GALNT13: variants seen among roughly 807,000 people sequenced by gnomAD.
The protein encoded by GALNT13 is UDP-GalNAc:polypeptide N-acetylgalactosaminyltransferase 13.
Under a neutral mutation model 64.2 loss-of-function variants are expected in GALNT13, and 28 were observed. That is an observed-to-expected ratio of 0.44 (90% CI 0.32 to 0.60). GALNT13 has a LOEUF of 0.60. Ranked by LOEUF, GALNT13 falls within the 20% of genes least tolerant of loss-of-function variation. GALNT13 has a pLI of 0.05. For missense variants in GALNT13, 577 were observed against 669.8 expected, an observed-to-expected ratio of 0.86 and a Z score of 1.53; for synonymous variants, 214 against 224.6, an observed-to-expected ratio of 0.95 and a Z score of 0.42.
At chr2:153,375,265 G>A in the GALNT13 span, among the ~76,000 whole-genome samples, 18 of 151,934 alleles carry the variant, frequency 1.2e-4, no homozygotes, top group Non-Finnish European at 2.6e-4. Flanking sequence ...GGCCATTTTT[G>A]TTTATTTATG....
intron 9 of GALNT13, among the ~76,000 whole-genome samples, chr2:154,324,069 T>A (rs1481431897): frequency 6.6e-6 from 1 of 152,058 alleles, no homozygotes; most frequent in East Asian, 1.9e-4. Flanking sequence ...AAGGTCAACA[T>A]TTAGAAATCT....
At chr2:154,058,333 G>A (rs1349477661) in intron 3 of GALNT13, among the ~76,000 whole-genome samples, 2 of 152,088 alleles carry the variant, frequency 1.3e-5, no homozygotes, top group Non-Finnish European at 2.9e-5. Context: ...CCAAGTCTGT[G>A]GTATTTTGTT....
At chr2:153,270,321 C>G in the GALNT13 span, among the ~76,000 whole-genome samples, 1 of 152,142 alleles carries the variant, frequency 6.6e-6, no homozygotes, top group African/African-American at 2.4e-5. Context: ...CAGTCTAATG[C>G]TAGACACTAG....
intron 8 of GALNT13, among the ~76,000 whole-genome samples, chr2:154,280,711 T>G (rs576223684): frequency 6.6e-6 from 1 of 152,292 alleles, no homozygotes; most frequent in South Asian, 2.1e-4. Context: ...GGTCTACTGA[T>G]ATTCAAAGGG....
chr2:154,249,263 T>C (rs1404805220), intron 7 of GALNT13, among the ~76,000 whole-genome samples: 1 of 152,208 alleles, frequency 6.6e-6, no homozygotes, highest in Non-Finnish European at 1.5e-5. Flanking sequence ...TATTGGGCGC[T>C]GTGCTAAGTT....
At chr2:153,352,334 T>C in the GALNT13 span, among the ~76,000 whole-genome samples, 3 of 152,168 alleles carry the variant, frequency 2.0e-5, no homozygotes, top group East Asian at 5.8e-4. Context: ...GTTTTAAAAG[T>C]TCTTTGTATA....
At chr2:153,338,554 A>T in the GALNT13 span, among the ~76,000 whole-genome samples, 7 of 152,312 alleles carry the variant, frequency 4.6e-5, no homozygotes, top group East Asian at 1.3e-3. Flanking sequence ...ATATAAACAG[A>T]CATTGTGGAA....
At chr2:153,296,275 C>A in the GALNT13 span, among the ~76,000 whole-genome samples, 2 of 152,104 alleles carry the variant, frequency 1.3e-5, no homozygotes, top group Non-Finnish European at 2.9e-5. Flanking sequence ...GCCTGGACCT[C>A]CCATTCCTGG....
the GALNT13 span, among the ~76,000 whole-genome samples, chr2:153,766,722 ATTTC>A: frequency 6.6e-6 from 1 of 151,916 alleles, no homozygotes; most frequent in Admixed American, 6.6e-5. Flanking sequence ...AATGTTTAAA[ATTTC>A]TTTATTAGTG....
chr2:153,620,734 T>G, the GALNT13 span, among the ~76,000 whole-genome samples: 7 of 152,080 alleles, frequency 4.6e-5, no homozygotes, highest in Non-Finnish European at 1.0e-4. Context: ...AAGTCCTATA[T>G]CTCTGTTTCT....
At chr2:153,549,965 G>C in the GALNT13 span, among the ~76,000 whole-genome samples, 5 of 152,076 alleles carry the variant, frequency 3.3e-5, no homozygotes, top group African/African-American at 1.2e-4. Context: ...ATTAATAAAA[G>C]CCTGACCTCT....
chr2:153,621,129 T>C, the GALNT13 span, among the ~76,000 whole-genome samples: 7 of 152,040 alleles, frequency 4.6e-5, no homozygotes, highest in Non-Finnish European at 8.8e-5. Flanking sequence ...TCTCTCTCTC[T>C]CTCTCTCCCT....
rs577148240 is a variant in GALNT13 at position 154,117,362 on chromosome 2, C to A, written c.143-22975C>A. ...TGGTGATTTGTGAGATTTTGGTGCA[C>A]CCATCTCTGGAGCAGTATACGCTGA... is the stretch of plus-strand genomic sequence containing the variant. On this transcript the variant is annotated intron_variant, in intron 3 of 12. Transcript: ENST00000392825. Among the ~76,000 whole-genome samples, 33 of 152,276 alleles carry A rather than the reference C, an allele frequency of 2.2e-4. No homozygotes were observed. The South Asian group carries it at 6.8e-3, about 32-fold the overall frequency.
chr2:154,018,654 G>T (rs954831388), intron 3 of GALNT13, among the ~76,000 whole-genome samples: 2 of 151,788 alleles, frequency 1.3e-5, no homozygotes, highest in Admixed American at 6.6e-5. Context: ...GATGCAGAGA[G>T]AATGATGAAG....
the GALNT13 span, among the ~76,000 whole-genome samples, chr2:153,432,159 C>T: frequency 6.6e-6 from 1 of 152,048 alleles, no homozygotes; most frequent in Non-Finnish European, 1.5e-5. Flanking sequence ...AATCAACAAC[C>T]TTGCTTCCTA....
the GALNT13 span, among the ~76,000 whole-genome samples, chr2:153,301,320 A>AAAAAAAAAAAAAAG: frequency 3.9e-3 from 493 of 126,422 alleles, 7 homozygotes; most frequent in Non-Finnish European, 5.0e-3. Flanking sequence ...AAAAAAAAAG[A>AAAAAAAAAAAAAAG]AAAAAAAAAA....
the GALNT13 span, among the ~76,000 whole-genome samples, chr2:153,407,723 G>C: frequency 1.3e-5 from 2 of 152,208 alleles, 1 homozygote; most frequent in South Asian, 4.1e-4. Flanking sequence ...ATTTCTATAG[G>C]TTCGTAAGTG....
the GALNT13 span, among the ~76,000 whole-genome samples, chr2:153,107,996 G>A: frequency 6.6e-6 from 1 of 152,106 alleles, no homozygotes; most frequent in East Asian, 1.9e-4. Context: ...TTGTGCCTCA[G>A]CCTCCCAAGT....
chr2:153,251,277 A>G, the GALNT13 span, among the ~76,000 whole-genome samples: 1 of 152,272 alleles, frequency 6.6e-6, no homozygotes, highest in Middle Eastern at 3.4e-3. Context: ...AACAGTAATA[A>G]TTGTAATTGA....
Sources: allele counts gnomAD v4.1 joint callset (sites outside exome capture counted in the v4.1 genomes callset), GRCh38; gene constraint gnomAD v4.1.1; transcripts MANE v1.5; gene names NCBI Gene and HGNC (gene_info 2026-07-23, HGNC 2026-07-21).